KAT6A: variants seen among roughly 807,000 people sequenced by gnomAD.
The protein encoded by KAT6A is histone acetyltransferase KAT6A.
A neutral mutation model predicts 198.4 loss-of-function variants in KAT6A; 9 were observed. The ratio of observed to expected loss-of-function variants is 0.05; its 90% CI spans 0.03 to 0.08. KAT6A has a LOEUF of 0.08. Ranked by LOEUF, KAT6A falls within the 10% of genes least tolerant of loss-of-function variation. The pLI is 1.00. For synonymous variants in KAT6A, 890 were observed against 883.0 expected (o/e 1.01, Z -0.14); for missense variants, 2,077 against 2,509.9 (o/e 0.83, Z 3.69).
At chr8:41,942,066 A>G (rs997431347) in intron 14 of KAT6A, 2 of 188,794 alleles carry the variant, frequency 1.1e-5, no homozygotes, top group South Asian at 3.9e-4. Context: ...TTTTATGTTT[A>G]TTAAAGGAGG....
Position 41,985,070 on chromosome 8 carries a change from A to T in KAT6A, c.709+2385T>A, listed in dbSNP as rs191932637. ...GAGAGACGCACAGACCACCTCAAAT[A>T]TAATGCTACTTAGACGGCAGGGCTG... is the stretch of plus-strand genomic sequence containing the variant. On this transcript the variant is annotated intron_variant, in intron 3 of 16. Coordinates refer to ENST00000265713, the MANE Select transcript of KAT6A (RefSeq NM_006766.5). Among the ~76,000 whole-genome samples, 579 of 152,152 alleles carry T rather than the reference A, an allele frequency of 3.8e-3. 3 individuals carry two copies. The highest frequency in any genetic ancestry group is 6.5e-3 in the Non-Finnish European group (439 of 68,004).
At chr8:41,948,310 T>A (rs183796512) in intron 10 of KAT6A, among the ~76,000 whole-genome samples, 3 of 152,190 alleles carry the variant, frequency 2.0e-5, no homozygotes, top group African/African-American at 7.2e-5. Flanking sequence ...TAAAAGAAGA[T>A]GTAACTATGT....
At chr8:41,954,660 C>T (rs377244453) in intron 9 of KAT6A, among the ~76,000 whole-genome samples, 3 of 152,276 alleles carry the variant, frequency 2.0e-5, no homozygotes, top group Non-Finnish European at 2.9e-5. Context: ...AATATCCCCA[C>T]GAAGTAAGTA....
At chr8:41,935,931 A>G (rs190223706) in intron 16 of KAT6A, among the ~76,000 whole-genome samples, 2 of 152,364 alleles carry the variant, frequency 1.3e-5, no homozygotes, top group Admixed American at 1.3e-4. Flanking sequence ...ATCATTCATG[A>G]TAGAGCAAAG....
At chr8:42,044,247 CCCA>C in intron 2 of KAT6A, among the ~76,000 whole-genome samples, 1 of 151,970 alleles carries the variant, frequency 6.6e-6, no homozygotes, top group East Asian at 1.9e-4. Flanking sequence ...ATTACAGGCA[CCCA>C]CCATCATGCC....
intron 2 of KAT6A, among the ~76,000 whole-genome samples, chr8:42,037,236 G>C (rs892496419): frequency 6.6e-6 from 1 of 152,114 alleles, no homozygotes; most frequent in Admixed American, 6.5e-5. Context: ...AAAGAATAAG[G>C]CTTTGGATTT....
At chr8:41,945,565 C>A (rs1332370125) in intron 12 of KAT6A, among the ~76,000 whole-genome samples, 1 of 152,006 alleles carries the variant, frequency 6.6e-6, no homozygotes, top group Admixed American at 6.6e-5. Flanking sequence ...CCACCACACC[C>A]GGCCCACAGT....
At chr8:41,999,712 T>C (rs750634715) in intron 2 of KAT6A, among the ~76,000 whole-genome samples, 1 of 152,232 alleles carries the variant, frequency 6.6e-6, no homozygotes, top group Non-Finnish European at 1.5e-5. Context: ...TTTACGCTCA[T>C]TCTCCAGGGT....
chr8:41,958,831 A>G (rs1823051163), intron 8 of KAT6A, among the ~76,000 whole-genome samples: 1 of 152,138 alleles, frequency 6.6e-6, no homozygotes. Context: ...TTTGTCAGTA[A>G]CTCAGTTCAG....
At chr8:41,962,041 C>T (rs1823228187) in intron 8 of KAT6A, among the ~76,000 whole-genome samples, 1 of 152,120 alleles carries the variant, frequency 6.6e-6, no homozygotes, top group African/African-American at 2.4e-5. Flanking sequence ...AAAAACTGAT[C>T]CTTCCTTCTT....
intron 8 of KAT6A, among the ~76,000 whole-genome samples, chr8:41,968,439 C>T (rs1823618712): frequency 6.6e-6 from 1 of 152,142 alleles, no homozygotes; most frequent in African/African-American, 2.4e-5. Context: ...CATCTCACAC[C>T]AGTTAGAATG....
intron 11 of KAT6A, 124 bp downstream of exon 11, chr8:41,947,627 C>A: frequency 1.4e-6 from 1 of 730,606 alleles, no homozygotes; most frequent in Non-Finnish European, 2.2e-6. Flanking sequence ...TCCTTCTATT[C>A]TTTCCAAACA....
chr8:41,974,884 A>C, intron 7 of KAT6A, 62 bp from the exon 8 acceptor site: 1 of 979,892 alleles, frequency 1.0e-6, no homozygotes, highest in Non-Finnish European at 1.6e-6. Context: ...AACTAGAAAA[A>C]ATTTCAGGTC....
intron 2 of KAT6A, among the ~76,000 whole-genome samples, chr8:42,023,078 A>G (rs1370139504): frequency 6.6e-6 from 1 of 152,240 alleles, no homozygotes; most frequent in Non-Finnish European, 1.5e-5. Flanking sequence ...ACATGTTACT[A>G]TACTGAATAT....
intron 8 of KAT6A, among the ~76,000 whole-genome samples, chr8:41,960,871 G>C (rs1024039469): frequency 5.9e-5 from 9 of 151,970 alleles, no homozygotes; most frequent in African/African-American, 2.2e-4. Context: ...TCCACCCTTT[G>C]CATAGACCTT....
chr8:42,036,658 G>A (rs915444390), intron 2 of KAT6A, among the ~76,000 whole-genome samples: 16 of 152,240 alleles, frequency 1.1e-4, no homozygotes, highest in Admixed American at 9.8e-4. Flanking sequence ...TTGCCAACAT[G>A]ATGCAGGAGT....
At position 41,940,204 on chromosome 8, in the gene KAT6A, G is replaced by A. The variant is rs987502509; in HGVS notation, c.3039+638C>T. Among the ~76,000 whole-genome samples, 7 of 152,152 alleles carry A rather than the reference G, an allele frequency of 4.6e-5. No individual in the cohort carries two copies. In the East Asian group the frequency reaches 7.7e-4, roughly 17 times the overall value. On this transcript the variant is annotated intron_variant, in intron 15 of 16. Coordinates refer to ENST00000265713, the MANE Select transcript of KAT6A (RefSeq NM_006766.5). ...ATAGCCTGGGATGTTTCTGGTAAAC[G>A]GCTTAACAGAATTCATTATCATCAT...
intron 2 of KAT6A, among the ~76,000 whole-genome samples, chr8:41,994,768 A>G (rs1825112666): frequency 6.6e-6 from 1 of 152,186 alleles, no homozygotes; most frequent in African/African-American, 2.4e-5. Context: ...TACTAAAAGC[A>G]ATGCCTAGGC....
intron 8 of KAT6A, among the ~76,000 whole-genome samples, chr8:41,964,429 T>C (rs577630874): frequency 4.6e-4 from 70 of 152,216 alleles, no homozygotes; most frequent in African/African-American, 1.4e-3. Flanking sequence ...CTACAGTGAA[T>C]ACCTGAAAAC....
Sources: allele counts gnomAD v4.1 joint callset (sites outside exome capture counted in the v4.1 genomes callset), GRCh38; gene constraint gnomAD v4.1.1; transcripts MANE v1.5; gene names NCBI Gene and HGNC (gene_info 2026-07-23, HGNC 2026-07-21).